SSBP3: variants seen among roughly 807,000 people sequenced by gnomAD.
SSBP3 encodes the protein single stranded DNA binding protein 3.
Under a neutral mutation model 69.6 loss-of-function variants are expected in SSBP3, and 5 were observed. The observed-to-expected ratio is 0.07, with a 90% CI of 0.04 to 0.15. The LOEUF (loss-of-function observed/expected upper bound fraction) is 0.15, where lower values mean the gene tolerates loss of function less well. Among genes scored for constraint, SSBP3 ranks in the 10% least tolerant of loss-of-function variants. The probability of loss-of-function intolerance (pLI) is 1.00; values close to 1 mark genes in which losing one functional copy is unlikely to be tolerated. For synonymous variants in SSBP3, 196 were observed against 193.4 expected, an observed-to-expected ratio of 1.01 and a Z score of -0.11; for missense variants, 312 against 534.0, an observed-to-expected ratio of 0.58 and a Z score of 4.10.
At chr1:54,404,259 T>C (rs1201061813) in intron 3 of SSBP3, among the ~76,000 whole-genome samples, 3 of 152,098 alleles carry the variant, frequency 2.0e-5, no homozygotes, top group African/African-American at 4.8e-5. Context: ...TAAAGCAACA[T>C]GCAGAATTGA....
intron 14 of SSBP3, 191 bp downstream of exon 14, chr1:54,238,938 C>A (rs1260821639): frequency 2.5e-6 from 1 of 404,962 alleles, no homozygotes; most frequent in Non-Finnish European, 4.9e-6. Context: ...ACCCCTTCCT[C>A]TCCCACCCCC....
At chr1:54,238,036 C>T (rs1253895605) in intron 14 of SSBP3, 1 of 414,686 alleles carries the variant, frequency 2.4e-6, no homozygotes, top group Admixed American at 2.7e-5. Flanking sequence ...TGACAAAACC[C>T]AGGACTTTCT....
chr1:54,325,014 G>C (rs962811198), intron 4 of SSBP3, among the ~76,000 whole-genome samples: 2 of 152,230 alleles, frequency 1.3e-5, no homozygotes, highest in Non-Finnish European at 2.9e-5. Flanking sequence ...GGGGAGCAGA[G>C]AGCTGGACCT....
At chr1:54,383,367 G>C (rs570924341) in intron 4 of SSBP3, among the ~76,000 whole-genome samples, 1 of 148,948 alleles carries the variant, frequency 6.7e-6, no homozygotes, top group Non-Finnish European at 1.5e-5. Flanking sequence ...GACAGAGCGA[G>C]ACTCCGTCTC....
chr1:54,293,870 C>T (rs1645650870), intron 4 of SSBP3, among the ~76,000 whole-genome samples: 1 of 152,116 alleles, frequency 6.6e-6, no homozygotes, highest in South Asian at 2.1e-4. Context: ...GGCATGGTGG[C>T]TCTCGCCTGT....
In SSBP3 at chr1:54,258,581, G is replaced by A. The variant is rs1035908386; in HGVS notation, c.367-432C>T. 2.6e-5 allele frequency among the ~76,000 whole-genome samples: 4 copies of A among 152,174 alleles called. No individual in the cohort carries two copies. The highest frequency in any genetic ancestry group is 4.8e-5 in the African/African-American group (2 of 41,436). On this transcript the variant is annotated intron_variant, in intron 5 of 17. Transcript: ENST00000610401. The surrounding 1 kb of genome is among the most constrained non-coding windows in gnomAD (Gnocchi z 4.5). Reference sequence around the variant, plus strand: ...CGGGAGGTGGGGAAAGATCGGGAAGGGCCCTGCCCTCAAGGAGCTCACAGT... The same window carrying A: ...CGGGAGGTGGGGAAAGATCGGGAAGAGCCCTGCCCTCAAGGAGCTCACAGT...
At chr1:54,338,040 T>C (rs982152823) in intron 4 of SSBP3, among the ~76,000 whole-genome samples, 3 of 152,218 alleles carry the variant, frequency 2.0e-5, no homozygotes, top group South Asian at 2.1e-4. Context: ...GATATAATGA[T>C]TGTAACCATC....
At chr1:54,282,150 G>A (rs1358588408) in intron 4 of SSBP3, among the ~76,000 whole-genome samples, 1 of 152,206 alleles carries the variant, frequency 6.6e-6, no homozygotes, top group Non-Finnish European at 1.5e-5. Flanking sequence ...GGTACTTCCT[G>A]CGGTGCAGAG....
intron 4 of SSBP3, among the ~76,000 whole-genome samples, chr1:54,322,511 G>A (rs1207630619): frequency 6.6e-6 from 1 of 152,078 alleles, no homozygotes; most frequent in Non-Finnish European, 1.5e-5. Flanking sequence ...TGCCACATCT[G>A]ATAATGCACC....
intron 4 of SSBP3, among the ~76,000 whole-genome samples, chr1:54,385,418 G>C (rs1256028030): frequency 1.3e-5 from 2 of 152,070 alleles, no homozygotes; most frequent in Non-Finnish European, 2.9e-5. Context: ...CTATCAGTGG[G>C]GAAGCTTTTA....
At chr1:54,358,778 G>A (rs1032460693) in intron 4 of SSBP3, among the ~76,000 whole-genome samples, 1 of 152,128 alleles carries the variant, frequency 6.6e-6, no homozygotes, top group Admixed American at 6.6e-5. Flanking sequence ...AACGACACAG[G>A]GAAATTCCGC....
At chr1:54,251,628 A>C in exon 9 of SSBP3, 1 of 1,551,642 alleles carries the variant, frequency 6.4e-7, no homozygotes, top group Non-Finnish European at 8.7e-7. Flanking sequence ...GTGGGCCGGG[A>C]CCCATGGGCC....
intron 4 of SSBP3, among the ~76,000 whole-genome samples, chr1:54,320,238 C>CA (rs151226664): frequency 4.6e-5 from 7 of 151,858 alleles, no homozygotes; most frequent in Non-Finnish European, 1.0e-4. Context: ...TGGCCTTTTT[C>CA]AAAAAAAGAA....
At chr1:54,351,300 G>C (rs141293556) in intron 4 of SSBP3, among the ~76,000 whole-genome samples, 1 of 152,156 alleles carries the variant, frequency 6.6e-6, no homozygotes, top group African/African-American at 2.4e-5. Flanking sequence ...CAAAATGAAC[G>C]AGTACAGAAC....
At chr1:54,316,660 T>TAAAAATAAAA (rs1329947274) in intron 4 of SSBP3, among the ~76,000 whole-genome samples, 2 of 27,600 alleles carry the variant, frequency 7.2e-5, no homozygotes, top group African/African-American at 1.6e-4. Flanking sequence ...AAAAAAAAAA[T>TAAAAATAAAA]AAAATAAATA....
chr1:54,306,207 C>A (rs977704118), intron 4 of SSBP3, among the ~76,000 whole-genome samples: 1 of 152,120 alleles, frequency 6.6e-6, no homozygotes, highest in African/African-American at 2.4e-5. Context: ...ACAGAACGCA[C>A]TGGGTCCCTC....
At chr1:54,398,425 T>A (rs1452364096) in intron 4 of SSBP3, among the ~76,000 whole-genome samples, 1 of 152,132 alleles carries the variant, frequency 6.6e-6, no homozygotes, top group African/African-American at 2.4e-5. Context: ...AGCTACCACA[T>A]GGAGAAAAAG....
chr1:54,235,448 A>ATTTTTTTTTTTTTTTTTTTTTT (rs71580002), intron 14 of SSBP3, among the ~76,000 whole-genome samples: 3 of 69,922 alleles, frequency 4.3e-5, no homozygotes, highest in South Asian at 5.6e-4. Context: ...TGCCCGGCTG[A>ATTTTTTTTTTTTTTTTTTTTTT]TTTTTTTTTT....
chr1:54,306,660 T>C (rs113213703), intron 4 of SSBP3, among the ~76,000 whole-genome samples: 16 of 152,296 alleles, frequency 1.1e-4, no homozygotes, highest in African/African-American at 3.9e-4. Flanking sequence ...CTTCGTGTGA[T>C]TGCCTCTCTT....
Sources: allele counts gnomAD v4.1 joint callset (sites outside exome capture counted in the v4.1 genomes callset), GRCh38; gene constraint gnomAD v4.1.1; non-coding constraint Gnocchi (gnomAD v3.1); transcripts MANE v1.5; gene names NCBI Gene and HGNC (gene_info 2026-07-23, HGNC 2026-07-21).